The following TNS4 variants were observed in gnomAD, a reference collection of about 807,000 sequenced individuals.
TNS4 encodes tensin-4.
In TNS4, 46 loss-of-function variants were observed where a neutral mutation model predicts 70.4. The observed-to-expected ratio is 0.65, with a 90% confidence interval of 0.52 to 0.84. TNS4 has a LOEUF of 0.84. Among genes scored for constraint, TNS4 ranks in the 40% least tolerant of loss-of-function variants. The probability of loss-of-function intolerance (pLI) is 0.00; values close to 1 mark genes in which losing one functional copy is unlikely to be tolerated. For synonymous variants in TNS4, 390 were observed against 366.6 expected (o/e 1.06, Z -0.73); for missense variants, 863 against 907.0 (o/e 0.95, Z 0.62).
intron 2 of TNS4, among the ~76,000 whole-genome samples, chr17:40,490,268 C>A (rs2036051461): frequency 6.6e-6 from 1 of 152,254 alleles, no homozygotes; most frequent in African/African-American, 2.4e-5. Flanking sequence ...GATTCTGAGG[C>A]CTTGTTCCTC....
chr17:40,487,254 T>A lies in TNS4; in HGVS notation c.1070A>T (p.His357Leu), dbSNP rs1228070637. 1.2e-6 allele frequency: 2 copies of A among 1,614,162 alleles called. No homozygotes were observed. ...TPHSPPLAKE[H>L]ASSCPPSITN... is the part of the protein sequence containing the mutation. Reference sequence around the variant, plus strand: ...GATGGATGGGGGGCAGCTGCTGGCATGTTCTTTGGCCAGTGGTGGAGAGTG... The same window carrying A: ...GATGGATGGGGGGCAGCTGCTGGCAAGTTCTTTGGCCAGTGGTGGAGAGTG... The change falls in exon 4 of 13, where the codon CAT (histidine) becomes CTT (leucine). Residue 357 changes from histidine to leucine, a missense_variant. His to Leu is a moderately conservative substitution (Grantham distance 99). Transcript: ENST00000254051.
chr17:40,497,461 G>A (rs917180749), intron 1 of TNS4, among the ~76,000 whole-genome samples: 2 of 152,120 alleles, frequency 1.3e-5, no homozygotes, highest in African/African-American at 4.8e-5. Flanking sequence ...AAAATTAGCT[G>A]GCATGATGGC....
chr17:40,489,295 C>G (rs976143718), intron 2 of TNS4, among the ~76,000 whole-genome samples: 1 of 152,086 alleles, frequency 6.6e-6, no homozygotes, highest in Non-Finnish European at 1.5e-5. Context: ...GTTTCCACAC[C>G]TGTAAAGTGG....
intron 9 of TNS4, chr17:40,480,088 G>T: frequency 1.9e-6 from 1 of 528,420 alleles, no homozygotes; most frequent in African/African-American, 1.9e-5. Flanking sequence ...CAGGGGAGGG[G>T]ATGTTGCCCT....
rs939753074 is a variant in TNS4 at position 40,488,046 on chromosome 17, G to A, written c.863+500C>T. Among the ~76,000 whole-genome samples the A allele has an allele frequency of 9.2e-5, 14 of 152,252 alleles. 1 individual carries two copies. Among genetic ancestry groups the A allele is most frequent in the Admixed American group, 8.5e-4 (13 of 15,278 alleles). On this transcript the variant is annotated intron_variant, in intron 3 of 12. Coordinates refer to ENST00000254051, the MANE Select transcript of TNS4 (RefSeq NM_032865.6). ...AGTCCTGTGGTTCGGTCTTCCTGGG[G>A]CAGAATGGGTGCGCATGTGCCTGCA...
Position 40,477,535 on chromosome 17 carries a change from G to T in TNS4, c.*53C>A, listed in dbSNP as rs1374379557. 1 of 1,602,938 alleles carries T rather than the reference G, an allele frequency of 6.2e-7. No homozygotes were observed. Among genetic ancestry groups the T allele is most frequent in the Non-Finnish European group, 8.5e-7 (1 of 1,173,454 alleles). On this transcript the variant is annotated 3_prime_UTR_variant, in exon 13 of 13. Coordinates refer to ENST00000254051, the MANE Select transcript of TNS4 (RefSeq NM_032865.6). ...ACACCCATTCAGGGGGTGGAGGGGG[G>T]CTCCTTAGCGAGCCCCTGGAGGTGT...
At chr17:40,480,608 G>A (rs1018406668) in intron 9 of TNS4, 92 bp downstream of exon 9, 10 of 1,234,812 alleles carry the variant, frequency 8.1e-6, no homozygotes, top group African/African-American at 6.3e-5. Context: ...GTGCCTGTGC[G>A]TGTGTGCGTG....
intron 2 of TNS4, among the ~76,000 whole-genome samples, chr17:40,494,809 G>T (rs2036122598): frequency 6.6e-6 from 1 of 151,734 alleles, no homozygotes; most frequent in Admixed American, 6.6e-5. Context: ...GCTCAGCACA[G>T]TGCCTGATAT....
At chr17:40,492,069 G>C (rs2036077781) in intron 2 of TNS4, among the ~76,000 whole-genome samples, 1 of 152,182 alleles carries the variant, frequency 6.6e-6, no homozygotes, top group South Asian at 2.1e-4. Context: ...GCAGGGGCAG[G>C]GAACCTGGGG....
intron 1 of TNS4, among the ~76,000 whole-genome samples, chr17:40,498,584 T>C (rs1264370371): frequency 6.6e-6 from 1 of 152,024 alleles, no homozygotes; most frequent in African/African-American, 2.4e-5. Flanking sequence ...TGAGACAAGG[T>C]GTCGCTCTGT....
chr17:40,493,725 G>A (rs1381874383), intron 2 of TNS4, among the ~76,000 whole-genome samples: 2 of 152,186 alleles, frequency 1.3e-5, no homozygotes, highest in Non-Finnish European at 2.9e-5. Flanking sequence ...GGCATGTGGT[G>A]CCCAGGGCAT....
At chr17:40,481,741 G>A (rs1182009729) in intron 8 of TNS4, among the ~76,000 whole-genome samples, 1 of 152,244 alleles carries the variant, frequency 6.6e-6, no homozygotes, top group Non-Finnish European at 1.5e-5. Context: ...GCATGAATGG[G>A]TGAGTGAGTG....
intron 2 of TNS4, among the ~76,000 whole-genome samples, 177 bp from the exon 3 acceptor site, chr17:40,489,146 C>T (rs2036033930): frequency 6.6e-6 from 1 of 152,130 alleles, no homozygotes; most frequent in African/African-American, 2.4e-5. Flanking sequence ...GTCACCCTCC[C>T]TGTGACAACT....
At chr17:40,489,941 TTTTG>T (rs2036045582) in intron 2 of TNS4, among the ~76,000 whole-genome samples, 1 of 151,750 alleles carries the variant, frequency 6.6e-6, no homozygotes, top group Non-Finnish European at 1.5e-5. Context: ...CAGGCCTCAG[TTTTG>T]TTTGTTTTCC....
intron 7 of TNS4, 56 bp from the exon 8 acceptor site, chr17:40,482,262 C>T: frequency 6.2e-7 from 1 of 1,614,032 alleles, no homozygotes; most frequent in Non-Finnish European, 8.5e-7. Flanking sequence ...CACCCCTCAG[C>T]TCACAACGGA....
rs1479309552 is a variant in TNS4, at chr17:40,477,378, A to G, written c.*210T>C. ...TGATCTTGTCTATTGGTCTTCTTCT[A>G]TGATTGAGGAAACTGAGGCCCGGGG... On this transcript the variant is annotated 3_prime_UTR_variant, in exon 13 of 13. Coordinates refer to ENST00000254051, the MANE Select transcript of TNS4 (RefSeq NM_032865.6). The G allele has an allele frequency of 3.6e-6, 2 of 552,028 alleles. No homozygotes were observed. The highest frequency in any genetic ancestry group is 1.9e-5 in the African/African-American group (1 of 52,414). The allele number at this position is 552,028 out of a possible 1,614,324, so 34.2% of individuals were successfully genotyped here.
At chr17:40,494,729 CAAAAA>C (rs5820349) in intron 2 of TNS4, among the ~76,000 whole-genome samples, 42 of 106,112 alleles carry the variant, frequency 4.0e-4, no homozygotes, top group Admixed American at 4.7e-4. Context: ...GACTCCATTG[CAAAAA>C]AAAAAAAAAA....
At position 40,477,696 on chromosome 17, in the gene TNS4, C is replaced by G. The variant is rs754281000; in HGVS notation, c.2040G>C (p.Glu680Asp). The change falls in exon 13 of 13, where the codon GAG (glutamate) becomes GAC (aspartate). Residue 680 changes from glutamate to aspartate, a missense_variant. Transcript: ENST00000254051. ...IFGFVAKSQT[E>D]PQENVCHLFA... ...AGAGGTGGCATACGTTCTCCTGAGGCTCTGTCTGGCTCTTGGCCACAAACC... is the reference window on the plus strand; with the variant it reads ...AGAGGTGGCATACGTTCTCCTGAGGGTCTGTCTGGCTCTTGGCCACAAACC... 4.3e-6 allele frequency: 7 copies of G among 1,613,918 alleles called. No individual in the cohort carries two copies. Among genetic ancestry groups the G allele is most frequent in the East Asian group, 2.2e-5 (1 of 44,860 alleles).
chr17:40,484,845 C>G, intron 5 of TNS4, 76 bp downstream of exon 5: 2 of 1,556,140 alleles, frequency 1.3e-6, no homozygotes, highest in Non-Finnish European at 1.8e-6. Context: ...CATTCCTTAA[C>G]TGTAACCCAG....
Sources: gnomAD v4.1 joint callset for allele counts (sites outside exome capture counted in the v4.1 genomes callset) on GRCh38, gnomAD v4.1.1 for gene constraint, MANE v1.5 for transcripts, NCBI Gene and HGNC (gene_info 2026-07-23, HGNC 2026-07-21) for gene names.